WDR20: variants seen among roughly 807,000 people sequenced by gnomAD.
WDR20 encodes WD repeat domain 20, also known as WD repeat-containing protein 20.
Under a neutral mutation model 38.7 loss-of-function variants are expected in WDR20, and 3 were observed. The observed-to-expected ratio is 0.08, with a 90% confidence interval of 0.04 to 0.20. WDR20 has a LOEUF of 0.20. Ranked by LOEUF, WDR20 falls within the 10% of genes least tolerant of loss-of-function variation. The pLI is 1.00. For missense variants in WDR20, 559 were observed against 727.7 expected (o/e 0.77, Z 2.67); for synonymous variants, 298 against 285.6 (o/e 1.04, Z -0.44).
chr14:102,181,424 T>C (rs991373935), intron 1 of WDR20, among the ~76,000 whole-genome samples: 1 of 152,054 alleles, frequency 6.6e-6, no homozygotes, highest in Non-Finnish European at 1.5e-5. Flanking sequence ...ATTGGTTGTA[T>C]GATTTTAGGC....
chr14:102,156,760 G>C (rs2057489069), intron 1 of WDR20, among the ~76,000 whole-genome samples: 1 of 152,018 alleles, frequency 6.6e-6, no homozygotes, highest in Non-Finnish European at 1.5e-5. Flanking sequence ...ACTTTGGAAG[G>C]CTGAGGTGGG....
rs866455061 is a variant in WDR20 at position 102,172,913 on chromosome 14, C to A, written c.250-22025C>A. Among the ~76,000 whole-genome samples, 205 of 149,052 alleles carry A rather than the reference C, an allele frequency of 1.4e-3. 13 individuals carry two copies. The Middle Eastern group carries it at 0.018, about 13-fold the overall frequency. On this transcript the variant is annotated intron_variant, in intron 1 of 2. Coordinates refer to ENST00000342702, the MANE Select transcript of WDR20 (RefSeq NM_144574.4). ...CTCAGATGGGGCGGCTGGGCAGCGA[C>A]GCTCCTCACCTCCCAGACGGGGTCG...
intron 2 of WDR20, among the ~76,000 whole-genome samples, chr14:102,200,508 T>TGTGTGTGTGTG (rs1491211775): frequency 6.7e-6 from 1 of 149,504 alleles, no homozygotes; most frequent in African/African-American, 2.5e-5. Flanking sequence ...TGTGTGTGTG[T>TGTGTGTGTGTG]TTCACTCTGC....
chr14:102,211,337 C>T (rs898130803), downstream of WDR20, among the ~76,000 whole-genome samples: 4 of 152,082 alleles, frequency 2.6e-5, no homozygotes, highest in African/African-American at 9.7e-5. This position sits in a 1 kb window ranked among gnomAD's most constrained non-coding sequence, Gnocchi z 4.2. Context: ...AGTGTAAAGA[C>T]CCTGGTAGCT....
chr14:102,187,329 G>A (rs1267145263), intron 1 of WDR20, among the ~76,000 whole-genome samples: 1 of 152,116 alleles, frequency 6.6e-6, no homozygotes, highest in African/African-American at 2.4e-5. Flanking sequence ...ATGGAACATA[G>A]TTAACATATT....
chr14:102,221,528 A>T lies in WDR20; in HGVS notation c.1693-1302A>T, dbSNP rs2063899447. 6.6e-6 allele frequency among the ~76,000 whole-genome samples: 1 copy of T among 152,192 alleles called. No homozygotes were observed. The highest frequency in any genetic ancestry group is 1.5e-5 in the Non-Finnish European group (1 of 68,048). ...TGGGGCGTTTGCGGGGTCCTCCACA[A>T]GTACAAACAGGGTTCTGTCCCTTTT... On this transcript the variant is annotated intron_variant, in intron 3 of 3. Coordinates refer to the WDR20 transcript ENST00000335263. The surrounding 1 kb of genome is among the most constrained non-coding windows in gnomAD (Gnocchi z 4.8).
At chr14:102,196,898 T>A (rs754026295) in intron 2 of WDR20, among the ~76,000 whole-genome samples, 13 of 152,232 alleles carry the variant, frequency 8.5e-5, no homozygotes, top group Non-Finnish European at 1.5e-4. Context: ...CATTTACAGC[T>A]TGAGGCTGAA....
intron 1 of WDR20, among the ~76,000 whole-genome samples, chr14:102,150,332 A>T (rs1290713880): frequency 6.6e-6 from 1 of 151,956 alleles, no homozygotes; most frequent in Non-Finnish European, 1.5e-5. Context: ...AAATTAGCTG[A>T]GTGTGGTGGT....
At position 102,197,964 on chromosome 14, in the gene WDR20, G is replaced by A. The variant is rs2059681987; in HGVS notation, c.432+2844G>A. 9 of 579,142 alleles carry A rather than the reference G, an allele frequency of 1.6e-5. No individual in the cohort carries two copies. In the South Asian group the frequency reaches 1.8e-4, roughly 11 times the overall value. 35.9% of individuals were successfully genotyped at this position (579,142 alleles called of 1,614,324 possible). On this transcript the variant is annotated intron_variant, in intron 2 of 2. Transcript: ENST00000342702. ...AGCAGTGGGCAAAACCTGCCCTCCT[G>A]TGACCCCTCTCAGGAGGGAAGAGAG...
intron 1 of WDR20, among the ~76,000 whole-genome samples, chr14:102,145,311 A>C (rs2053204797): frequency 6.6e-6 from 1 of 152,216 alleles, no homozygotes; most frequent in Non-Finnish European, 1.5e-5. Context: ...AAAGACATTT[A>C]AAAATATTGC....
At chr14:102,214,252 T>A, downstream of WDR20, 1 of 985,176 alleles carries the variant, frequency 1.0e-6, no homozygotes, top group African/African-American at 1.7e-5. Context: ...GGGCCCCCCC[T>A]TGTCTGGAGC....
chr14:102,162,519 T>C (rs2058953378), intron 1 of WDR20, among the ~76,000 whole-genome samples: 1 of 152,196 alleles, frequency 6.6e-6, no homozygotes, highest in African/African-American at 2.4e-5. Flanking sequence ...TTGTTGAAAT[T>C]ATAGTCCTCC....
At chr14:102,224,839 A>G (rs1372855315), downstream of WDR20, 1 of 455,508 alleles carries the variant, frequency 2.2e-6, no homozygotes, top group Non-Finnish European at 4.4e-6. Context: ...GCTGTTCTAA[A>G]TGAAAGAATC....
downstream of WDR20, chr14:102,213,498 G>T: frequency 1.0e-6 from 1 of 985,468 alleles, no homozygotes; most frequent in Non-Finnish European, 1.2e-6. Context: ...TGGAAAATCA[G>T]AAAGGAGCTA....
At position 102,209,555 on chromosome 14, in the gene WDR20, C is replaced by T; in HGVS notation, c.1385C>T (p.Ala462Val). Reference protein sequence around the residue: ...GAIASGVSKFATLSLHDRKER... With the variant: ...GAIASGVSKFVTLSLHDRKER... ...ATTGCTTCTGGGGTCAGCAAATTTG[C>T]AACACTTTCACTACATGACCGGAAG... The change falls in exon 3 of 3, where the codon GCA becomes GTA. Residue 462 changes from alanine to valine, a missense_variant. Transcript: ENST00000342702. The surrounding 1 kb of genome is among the most constrained non-coding windows in gnomAD (Gnocchi z 6.0). 6.2e-7 allele frequency: 1 copy of T among 1,614,188 alleles called. No homozygotes were observed. Among genetic ancestry groups the T allele is most frequent in the East Asian group, 2.2e-5 (1 of 44,882 alleles).
At chr14:102,143,609 A>G (rs1390061595) in intron 1 of WDR20, among the ~76,000 whole-genome samples, 12 of 151,768 alleles carry the variant, frequency 7.9e-5, no homozygotes, top group African/African-American at 1.9e-4. Context: ...CAGTGGCACA[A>G]TCTCGGCTCA....
chr14:102,164,349 T>G (rs1223254768), intron 1 of WDR20, among the ~76,000 whole-genome samples: 1 of 83,830 alleles, frequency 1.2e-5, no homozygotes, highest in Non-Finnish European at 2.4e-5. Flanking sequence ...CTTCATCACA[T>G]GACCCAGGAA....
Position 102,165,679 on chromosome 14 carries a change from C to G in WDR20, c.249+25507C>G, listed in dbSNP as rs1223796714. 5.6e-5 allele frequency among the ~76,000 whole-genome samples: 8 copies of G among 143,404 alleles called. 1 individual carries two copies. The highest frequency in any genetic ancestry group is 3.0e-5 in the Non-Finnish European group (2 of 66,612). The allele number at this position is 143,404 out of a possible 152,430, so 94.1% of individuals were successfully genotyped here. On this transcript the variant is annotated intron_variant, in intron 1 of 2. Coordinates refer to ENST00000342702, the MANE Select transcript of WDR20 (RefSeq NM_144574.4). The stretch of plus-strand genomic sequence containing the variant: ...GGAGACAGGGTCTCACTCTGTTGCT[C>G]AGGCTGGAGTGCAGTGGTTCGATCA...
At chr14:102,177,615 GTC>G (rs1303024164) in intron 1 of WDR20, among the ~76,000 whole-genome samples, 1 of 152,150 alleles carries the variant, frequency 6.6e-6, no homozygotes, top group Non-Finnish European at 1.5e-5. Context: ...GCTCAAATCT[GTC>G]TCTCTGTGCT....
Sources: allele counts gnomAD v4.1 joint callset (sites outside exome capture counted in the v4.1 genomes callset), GRCh38; gene constraint gnomAD v4.1.1; non-coding constraint Gnocchi (gnomAD v3.1); transcripts MANE v1.5; gene names NCBI Gene and HGNC (gene_info 2026-07-23, HGNC 2026-07-21).